GABRG3: variants seen among roughly 807,000 people sequenced by gnomAD.
GABRG3 encodes gamma-aminobutyric acid receptor subunit gamma-3.
A neutral mutation model predicts 48.8 loss-of-function variants in GABRG3; 25 were observed. That is an observed-to-expected ratio of 0.51 (90% CI 0.37 to 0.72). The LOEUF (loss-of-function observed/expected upper bound fraction) is 0.72, where lower values mean the gene tolerates loss of function less well. Ranked by LOEUF, GABRG3 falls within the 30% of genes least tolerant of loss-of-function variation. The pLI, the probability that GABRG3 is intolerant of heterozygous loss-of-function variation, is 0.00. For synonymous variants in GABRG3, 227 were observed against 217.6 expected, an observed-to-expected ratio of 1.04 and a Z score of -0.38; for missense variants, 394 against 577.9, an observed-to-expected ratio of 0.68 and a Z score of 3.26.
chr15:27,515,368 A>G (rs1331477685), intron 6 of GABRG3, among the ~76,000 whole-genome samples: 1 of 152,168 alleles, frequency 6.6e-6, no homozygotes, highest in African/African-American at 2.4e-5. Flanking sequence ...TGCTGGGATT[A>G]CAGGTTGAGC....
At chr15:27,015,360 C>G (rs1051944726) in intron 2 of GABRG3, among the ~76,000 whole-genome samples, 1 of 151,068 alleles carries the variant, frequency 6.6e-6, no homozygotes, top group Non-Finnish European at 1.5e-5. Flanking sequence ...TCCTCTCTTG[C>G]CGCTCACTTT....
At position 27,532,872 on chromosome 15, in the gene GABRG3, G is replaced by C. The variant is rs746407676; in HGVS notation, c.1395G>C (p.Leu465=). Residue 465 remains leucine, a synonymous_variant, in exon 10 of 10, where the codon CTG becomes CTC. Transcript: ENST00000615808. ...ACCTGGTCTACTGGGTTGGATACCTGTATCTCTAAGTGTTGCTCAGAGTGA... is the reference window on the plus strand; with the variant it reads ...ACCTGGTCTACTGGGTTGGATACCTCTATCTCTAAGTGTTGCTCAGAGTGA... ...LFNLVYWVGY[L]YL is the part of the protein sequence containing the mutation. 1 of 1,613,736 alleles carries C rather than the reference G, an allele frequency of 6.2e-7. No homozygotes were observed.
intron 3 of GABRG3, among the ~76,000 whole-genome samples, chr15:27,074,514 G>A (rs1896879756): frequency 6.6e-6 from 1 of 151,854 alleles, no homozygotes; most frequent in Admixed American, 6.6e-5. Context: ...GCCAAGCTTG[G>A]ACTCTTGTCC....
chr15:27,507,345 A>C (rs1890784598), intron 6 of GABRG3, among the ~76,000 whole-genome samples: 1 of 152,058 alleles, frequency 6.6e-6, no homozygotes, highest in South Asian at 2.1e-4. Flanking sequence ...ATCTACTAAA[A>C]ATACAAAAAT....
chr15:27,205,826 A>G (rs1345378772), intron 3 of GABRG3, among the ~76,000 whole-genome samples: 2 of 151,574 alleles, frequency 1.3e-5, no homozygotes, highest in African/African-American at 4.8e-5. Context: ...GAATTTATCA[A>G]TTTCTTCTAG....
intron 3 of GABRG3, among the ~76,000 whole-genome samples, chr15:27,123,257 G>T (rs928501551): frequency 2.5e-4 from 38 of 152,124 alleles, no homozygotes; most frequent in African/African-American, 8.7e-4. Context: ...TTGACTCTTG[G>T]ACATTGTTAT....
intron 3 of GABRG3, among the ~76,000 whole-genome samples, chr15:27,309,795 C>G (rs969757657): frequency 6.6e-6 from 1 of 151,832 alleles, no homozygotes; most frequent in Non-Finnish European, 1.5e-5. Context: ...AAAATATAAC[C>G]CAGTGGTCCA....
intron 5 of GABRG3, among the ~76,000 whole-genome samples, chr15:27,385,004 C>G (rs1895879415): frequency 6.6e-6 from 1 of 152,144 alleles, no homozygotes; most frequent in South Asian, 2.1e-4. Flanking sequence ...TAACCACCAT[C>G]CAAAAAATAT....
intron 5 of GABRG3, among the ~76,000 whole-genome samples, chr15:27,479,673 C>T (rs922668116): frequency 3.9e-5 from 6 of 152,218 alleles, no homozygotes; most frequent in Non-Finnish European, 7.3e-5. Flanking sequence ...GCATACATTT[C>T]TTCCAGAGCC....
intron 3 of GABRG3, among the ~76,000 whole-genome samples, chr15:27,110,118 C>A (rs1897521014): frequency 6.6e-6 from 1 of 151,686 alleles, no homozygotes; most frequent in African/African-American, 2.4e-5. Flanking sequence ...TCTCTTGTTT[C>A]CTTTGGTTTA....
At chr15:27,185,290 C>T (rs1468268784) in intron 3 of GABRG3, among the ~76,000 whole-genome samples, 1 of 152,044 alleles carries the variant, frequency 6.6e-6, no homozygotes, top group East Asian at 1.9e-4. Context: ...TGTTCTTCAC[C>T]CATAGATTAT....
chr15:27,494,861 G>T (rs6497213), intron 6 of GABRG3, among the ~76,000 whole-genome samples: 104,693 of 151,890 alleles, frequency 0.69, 36,416 homozygotes, highest in East Asian at 0.86. Flanking sequence ...TTGTTTCCCT[G>T]ATTCTACTTG....
At chr15:27,262,841 T>C (rs1050360725) in intron 3 of GABRG3, among the ~76,000 whole-genome samples, 1 of 152,228 alleles carries the variant, frequency 6.6e-6, no homozygotes. Context: ...CAGCAAATAA[T>C]TTTGAGATAA....
chr15:27,532,521 T>G, intron 9 of GABRG3, 79 bp from the exon 10 acceptor site: 1 of 1,389,278 alleles, frequency 7.2e-7, no homozygotes, highest in Non-Finnish European at 9.9e-7. Context: ...AGATGTAATA[T>G]GGACCTACTG....
chr15:27,278,352 G>A (rs1392478980), intron 3 of GABRG3, among the ~76,000 whole-genome samples: 2 of 151,998 alleles, frequency 1.3e-5, no homozygotes, highest in African/African-American at 4.8e-5. Flanking sequence ...GCCTGGCCTC[G>A]GTGCATTTTT....
intron 5 of GABRG3, among the ~76,000 whole-genome samples, chr15:27,443,255 G>A (rs928692636): frequency 6.6e-6 from 1 of 152,218 alleles, no homozygotes; most frequent in Non-Finnish European, 1.5e-5. Context: ...AGAGGCCTCA[G>A]AAGGAGTCAG....
chr15:27,408,931 A>G (rs1190996856), intron 5 of GABRG3, among the ~76,000 whole-genome samples: 2 of 152,226 alleles, frequency 1.3e-5, no homozygotes, highest in Non-Finnish European at 2.9e-5. Context: ...CATCTTGTAC[A>G]GTATGTATTA....
chr15:27,489,299 T>C (rs980820965), intron 6 of GABRG3, among the ~76,000 whole-genome samples: 4 of 152,238 alleles, frequency 2.6e-5, no homozygotes, highest in Admixed American at 2.0e-4. Flanking sequence ...TTGGGTTGGT[T>C]CCAAGTCTTT....
chr15:27,381,667 A>G (rs1895781513), intron 5 of GABRG3, among the ~76,000 whole-genome samples: 1 of 152,166 alleles, frequency 6.6e-6, no homozygotes, highest in African/African-American at 2.4e-5. Context: ...ATCTAAGACG[A>G]GTTTTTGATT....
Sources: gnomAD v4.1 joint callset for allele counts (sites outside exome capture counted in the v4.1 genomes callset) on GRCh38, gnomAD v4.1.1 for gene constraint, MANE v1.5 for transcripts, NCBI Gene and HGNC (gene_info 2026-07-23, HGNC 2026-07-21) for gene names.